The following CA10 variants were observed in gnomAD, a reference collection of about 807,000 sequenced individuals.
The protein encoded by CA10 is carbonic anhydrase-related protein 10.
A neutral mutation model predicts 44.2 loss-of-function variants in CA10; 14 were observed. The ratio of observed to expected loss-of-function variants is 0.32; its 90% confidence interval spans 0.21 to 0.50. CA10 has a LOEUF of 0.50. CA10 is among the 20% of genes least tolerant of loss of function. CA10 has a pLI of 0.99. For missense variants in CA10, 350 were observed against 409.7 expected, an observed-to-expected ratio of 0.85 and a Z score of 1.26; for synonymous variants, 159 against 141.6, an observed-to-expected ratio of 1.12 and a Z score of -0.87.
chr17:52,092,152 A>G (rs994374760), intron 1 of CA10, among the ~76,000 whole-genome samples: 2 of 151,816 alleles, frequency 1.3e-5, no homozygotes, highest in East Asian at 1.9e-4. Flanking sequence ...GTGCATTTCT[A>G]TGAGTGTCTG....
At chr17:51,705,526 AT>A (rs1915737395) in intron 4 of CA10, among the ~76,000 whole-genome samples, 1 of 152,160 alleles carries the variant, frequency 6.6e-6, no homozygotes, top group African/African-American at 2.4e-5. Context: ...CTGAACAAAC[AT>A]GGAGAATATG....
intron 1 of CA10, among the ~76,000 whole-genome samples, chr17:52,138,744 G>C (rs1048746230): frequency 4.6e-5 from 7 of 152,158 alleles, no homozygotes; most frequent in African/African-American, 1.2e-4. Context: ...TTTTTTTAGA[G>C]CAATGCCATA....
intron 2 of CA10, among the ~76,000 whole-genome samples, chr17:51,992,727 C>G (rs1233954945): frequency 6.6e-6 from 1 of 151,994 alleles, no homozygotes; most frequent in Non-Finnish European, 1.5e-5. Context: ...ATACCTGACA[C>G]CAGAAAAACA....
chr17:52,088,754 A>C (rs1306050646), intron 1 of CA10, among the ~76,000 whole-genome samples: 1 of 152,208 alleles, frequency 6.6e-6, no homozygotes, highest in Non-Finnish European at 1.5e-5. Context: ...TGTTTTTGTT[A>C]TAAATGTTAC....
intron 3 of CA10, among the ~76,000 whole-genome samples, chr17:51,929,589 C>T (rs1389652003): frequency 6.6e-6 from 1 of 152,156 alleles, no homozygotes; most frequent in Non-Finnish European, 1.5e-5. Flanking sequence ...CAATTATCCC[C>T]TACATCACCC....
At chr17:51,939,394 T>C (rs943017733) in intron 2 of CA10, among the ~76,000 whole-genome samples, 2 of 152,156 alleles carry the variant, frequency 1.3e-5, no homozygotes, top group African/African-American at 2.4e-5. Context: ...TTTTTCATAC[T>C]GGTGCTTTCA....
intron 2 of CA10, among the ~76,000 whole-genome samples, chr17:52,062,169 G>A (rs1334942434): frequency 6.8e-6 from 1 of 146,228 alleles, no homozygotes; most frequent in African/African-American, 2.5e-5. Context: ...CCAGGTTCAA[G>A]TGATTCTTAT....
chr17:52,038,494 A>T (rs1280571405), intron 2 of CA10, among the ~76,000 whole-genome samples: 1 of 152,174 alleles, frequency 6.6e-6, no homozygotes, highest in Non-Finnish European at 1.5e-5. Context: ...AATACAGAAG[A>T]CTAAACTGAA....
chr17:51,804,847 A>G (rs1567845170), intron 3 of CA10, among the ~76,000 whole-genome samples: 1 of 152,216 alleles, frequency 6.6e-6, no homozygotes, highest in Non-Finnish European at 1.5e-5. Context: ...AAGGGTTTTA[A>G]AGCATAGATT....
intron 4 of CA10, among the ~76,000 whole-genome samples, chr17:51,676,234 A>G (rs552551016): frequency 1.3e-5 from 2 of 152,198 alleles, no homozygotes; most frequent in Admixed American, 6.5e-5. Context: ...TTGAGCACTT[A>G]TGTGTGCCAG....
Position 51,631,506 on chromosome 17 carries a change from A to G in CA10, c.*78T>C. The G allele has an allele frequency of 7.7e-7, 1 of 1,290,768 alleles. No individual in the cohort carries two copies. The highest frequency in any genetic ancestry group is 1.1e-6 in the Non-Finnish European group (1 of 888,978). The allele number at this position is 1,290,768 out of a possible 1,614,324, so 80.0% of individuals were successfully genotyped here. On this transcript the variant is annotated 3_prime_UTR_variant, in exon 9 of 9. Transcript: ENST00000451037. ...TGGGGGAAAGAAGGAGAGAGAAGCA[A>G]GAAGGGGGACATTCTAGGTTACGTC...
At chr17:51,947,224 CAAAAAAAAA>C (rs1198796736) in intron 2 of CA10, among the ~76,000 whole-genome samples, 3 of 52,136 alleles carry the variant, frequency 5.8e-5, no homozygotes, top group Non-Finnish European at 1.1e-4. Context: ...TCTTCATGTG[CAAAAAAAAA>C]AAAAAAAAAA....
chr17:51,711,714 A>C (rs1915948315), intron 4 of CA10, among the ~76,000 whole-genome samples: 1 of 152,238 alleles, frequency 6.6e-6, no homozygotes, highest in Non-Finnish European at 1.5e-5. Context: ...TTTCAGTCTG[A>C]GCCCATAGGA....
chr17:51,844,688 T>C (rs1035647681), intron 3 of CA10, among the ~76,000 whole-genome samples: 1 of 152,180 alleles, frequency 6.6e-6, no homozygotes, highest in Non-Finnish European at 1.5e-5. Context: ...AGTGTAACAC[T>C]GTGCTTGAGG....
chr17:51,806,714 T>C (rs72832681), intron 3 of CA10, among the ~76,000 whole-genome samples: 2,826 of 152,312 alleles, frequency 0.019, 27 homozygotes, highest in South Asian at 0.04. Flanking sequence ...ATGTACAAAA[T>C]AGGCAATGCA....
At chr17:51,766,682 T>C (rs750379197) in intron 3 of CA10, among the ~76,000 whole-genome samples, 1 of 152,230 alleles carries the variant, frequency 6.6e-6, no homozygotes, top group Non-Finnish European at 1.5e-5. Context: ...TAAGAAAAAA[T>C]AAGTTATAAA....
intron 3 of CA10, among the ~76,000 whole-genome samples, chr17:51,820,345 C>T (rs1907724026): frequency 6.7e-6 from 1 of 148,664 alleles, no homozygotes; most frequent in Non-Finnish European, 1.5e-5. Context: ...TGTCGGATGA[C>T]TCATGGGGTA....
intron 1 of CA10, among the ~76,000 whole-genome samples, chr17:52,072,998 C>T (rs2143140785): frequency 6.6e-6 from 1 of 151,968 alleles, no homozygotes; most frequent in African/African-American, 2.4e-5. Flanking sequence ...CTGACATGAC[C>T]TCAGGGAAAC....
At chr17:51,826,393 C>A (rs1171235391) in intron 3 of CA10, among the ~76,000 whole-genome samples, 1 of 152,166 alleles carries the variant, frequency 6.6e-6, no homozygotes, top group East Asian at 1.9e-4. Context: ...GCAGCTTCTT[C>A]TTGTGTAAAA....
Sources: allele counts gnomAD v4.1 joint callset (sites outside exome capture counted in the v4.1 genomes callset), GRCh38; gene constraint gnomAD v4.1.1; transcripts MANE v1.5; gene names NCBI Gene and HGNC (gene_info 2026-07-23, HGNC 2026-07-21).